ADGRA3: variants seen among roughly 807,000 people sequenced by gnomAD.
The protein encoded by ADGRA3 is adhesion G protein-coupled receptor A3.
ADGRA3 carries 56 observed loss-of-function variants against 119.8 expected under a neutral mutation model. The observed-to-expected ratio is 0.47, with a 90% CI of 0.38 to 0.58. The LOEUF is 0.58. Among genes scored for constraint, ADGRA3 ranks in the 20% least tolerant of loss-of-function variants. ADGRA3 has a pLI of 0.00. For synonymous variants in ADGRA3, 607 were observed against 623.8 expected (o/e 0.97, Z 0.40); for missense variants, 1,516 against 1,649.0 (o/e 0.92, Z 1.40).
chr4:22,419,514 T>C (rs536023538), intron 12 of ADGRA3, among the ~76,000 whole-genome samples: 2 of 152,254 alleles, frequency 1.3e-5, no homozygotes, highest in South Asian at 4.2e-4. Flanking sequence ...GGCATGAAAT[T>C]GACAAATCTG....
rs765990340 is a variant in ADGRA3 at position 22,388,132 on chromosome 4, C to T, written c.3539G>A (p.Arg1180Gln). Residue 1180 changes from arginine (R) to glutamine (Q), a missense_variant, in exon 19 of 19, where the codon CGG (arginine) becomes CAG (glutamine). Physicochemically the swap from Arg to Gln is conservative, Grantham distance 43 (BLOSUM62 1). Transcript: ENST00000334304. ...RHHKNRSKGHRASRLTVLREY... is the reference protein window; with the variant it reads ...RHHKNRSKGHQASRLTVLREY... ...TCTCAGGACTGTGAGTCGGCTTGCC[C>T]GGTGTCCTTTACTTCTGTTTTTATG... 15 of 1,613,968 alleles carry T rather than the reference C, an allele frequency of 9.3e-6. No individual in the cohort carries two copies. Among genetic ancestry groups the T allele is most frequent in the East Asian group, 6.7e-5 (3 of 44,870 alleles).
intron 3 of ADGRA3, among the ~76,000 whole-genome samples, chr4:22,455,388 T>G (rs1184490380): frequency 6.6e-6 from 1 of 152,188 alleles, no homozygotes; most frequent in East Asian, 1.9e-4. Flanking sequence ...TTTCATTTCC[T>G]CGGAAACATC....
At chr4:22,457,191 A>C (rs1386030417) in intron 3 of ADGRA3, among the ~76,000 whole-genome samples, 4 of 152,236 alleles carry the variant, frequency 2.6e-5, no homozygotes, top group Non-Finnish European at 5.9e-5. Flanking sequence ...TTGATAAAAC[A>C]AGAGAAACTG....
intron 10 of ADGRA3, among the ~76,000 whole-genome samples, chr4:22,428,205 T>C (rs776909790): frequency 2.0e-5 from 3 of 152,288 alleles, no homozygotes; most frequent in South Asian, 4.1e-4. Context: ...TGGAGTTAAA[T>C]ACTCCTAGGT....
chr4:22,430,884 TATC>T (rs552424371), intron 10 of ADGRA3, among the ~76,000 whole-genome samples: 1 of 152,250 alleles, frequency 6.6e-6, no homozygotes, highest in Non-Finnish European at 1.5e-5. Context: ...CTAGCAGCTG[TATC>T]CCAGCTGCTC....
Position 22,436,460 on chromosome 4 carries a change from C to G in ADGRA3, c.1267G>C (p.Val423Leu). ...RCQYANDVTR[V>L]LYMFNQMPLN... ...GTTACCTGATTAAACATATAAAGAA[C>G]TCTAGTGACATCATTTGCATACTGA... The change falls in exon 9 of 19, where the codon GTT becomes CTT. Residue 423 changes from valine to leucine, a missense_variant. Around this residue, in one of 2 missense-constraint regions of ADGRA3, gnomAD observed 428 missense variants for 541.9 expected, o/e 0.79. Transcript: ENST00000334304. 2.5e-6 allele frequency: 4 copies of G among 1,611,662 alleles called. No individual in the cohort carries two copies. The highest frequency in any genetic ancestry group is 1.3e-5 in the African/African-American group (1 of 74,898).
intron 10 of ADGRA3, among the ~76,000 whole-genome samples, chr4:22,430,043 G>C (rs554819773): frequency 6.6e-6 from 1 of 152,242 alleles, no homozygotes; most frequent in East Asian, 1.9e-4. Context: ...AAGCTTCCCT[G>C]CACAAGTGCT....
chr4:22,411,455 C>T (rs976077930), intron 14 of ADGRA3, among the ~76,000 whole-genome samples: 6 of 151,902 alleles, frequency 3.9e-5, no homozygotes, highest in Admixed American at 1.3e-4. Context: ...AAAAATTAGC[C>T]GGGTTTGGTG....
At chr4:22,390,135 G>C (rs1194387233) in intron 17 of ADGRA3, among the ~76,000 whole-genome samples, 1 of 151,458 alleles carries the variant, frequency 6.6e-6, no homozygotes, top group Non-Finnish European at 1.5e-5. Flanking sequence ...CCTTCTTCCT[G>C]CTGTACTAAT....
At chr4:22,426,106 T>C (rs1425345843) in intron 10 of ADGRA3, among the ~76,000 whole-genome samples, 2 of 152,172 alleles carry the variant, frequency 1.3e-5, no homozygotes, top group African/African-American at 2.4e-5. Context: ...TTTTACTGTT[T>C]TAATCCCGAA....
At chr4:22,411,531 A>T (rs1715196943) in intron 14 of ADGRA3, among the ~76,000 whole-genome samples, 1 of 152,146 alleles carries the variant, frequency 6.6e-6, no homozygotes, top group Non-Finnish European at 1.5e-5. Context: ...CCTGGGAGGT[A>T]GAGGCTGCAG....
At chr4:22,482,128 A>T (rs1718276693) in intron 1 of ADGRA3, among the ~76,000 whole-genome samples, 1 of 152,206 alleles carries the variant, frequency 6.6e-6, no homozygotes, top group African/African-American at 2.4e-5. Flanking sequence ...TTGTGTGTCA[A>T]GAAATGTTTT....
At chr4:22,436,686 G>C (rs781397545) in intron 8 of ADGRA3, 45 bp from the exon 9 acceptor site, 1 of 1,497,636 alleles carries the variant, frequency 6.7e-7, no homozygotes, top group Non-Finnish European at 9.3e-7. Context: ...AAATGACACG[G>C]GTACATCAAG....
intron 12 of ADGRA3, among the ~76,000 whole-genome samples, chr4:22,415,040 C>T (rs1219849558): frequency 6.6e-6 from 1 of 151,532 alleles, no homozygotes; most frequent in Non-Finnish European, 1.5e-5. Context: ...TCTGGACTCA[C>T]ACAACACTCT....
intron 3 of ADGRA3, among the ~76,000 whole-genome samples, chr4:22,459,123 T>C (rs1717351884): frequency 1.3e-5 from 2 of 152,236 alleles, no homozygotes; most frequent in South Asian, 2.1e-4. Flanking sequence ...GGTTTTTAGA[T>C]GAAAGATATT....
chr4:22,465,472 T>C (rs1210076440), intron 2 of ADGRA3, among the ~76,000 whole-genome samples: 1 of 152,166 alleles, frequency 6.6e-6, no homozygotes. Context: ...AACGGCCCTG[T>C]TGCTACAATC....
At chr4:22,403,881 T>C (rs187493459) in intron 14 of ADGRA3, among the ~76,000 whole-genome samples, 1 of 152,330 alleles carries the variant, frequency 6.6e-6, no homozygotes, top group African/African-American at 2.4e-5. Flanking sequence ...ATTAGCCCCA[T>C]TTTATATGTT....
At chr4:22,447,103 T>C (rs1382998565) in intron 5 of ADGRA3, among the ~76,000 whole-genome samples, 1 of 151,992 alleles carries the variant, frequency 6.6e-6, no homozygotes, top group Non-Finnish European at 1.5e-5. Flanking sequence ...AAATTCTTCA[T>C]AGGAAGGGTT....
intron 11 of ADGRA3, among the ~76,000 whole-genome samples, chr4:22,422,573 C>A (rs974108858): frequency 9.5e-5 from 1 of 10,562 alleles, no homozygotes; most frequent in Non-Finnish European, 3.0e-4. Flanking sequence ...CACATGAAAC[C>A]TTGGTTGAAA....
Sources: allele counts gnomAD v4.1 joint callset (sites outside exome capture counted in the v4.1 genomes callset), GRCh38; gene constraint gnomAD v4.1.1; regional missense constraint gnomAD v4.1.1; transcripts MANE v1.5; gene names NCBI Gene and HGNC (gene_info 2026-07-23, HGNC 2026-07-21).